Variants in DLGAP1 observed in about 807,000 individuals in gnomAD.
DLGAP1 encodes the protein DLG associated protein 1, also known as disks large-associated protein 1.
In DLGAP1, 11 loss-of-function variants were observed where a neutral mutation model predicts 90.8. The observed-to-expected ratio is 0.12, with a 90% CI of 0.08 to 0.20. The LOEUF is 0.20. Among genes scored for constraint, DLGAP1 ranks in the 10% least tolerant of loss-of-function variants. The probability of loss-of-function intolerance (pLI) is 1.00; values close to 1 mark genes in which losing one functional copy is unlikely to be tolerated. For synonymous variants in DLGAP1, 558 were observed against 540.7 expected, an observed-to-expected ratio of 1.03 and a Z score of -0.44; for missense variants, 1,050 against 1,333.8, an observed-to-expected ratio of 0.79 and a Z score of 3.31.
intron 1 of DLGAP1, among the ~76,000 whole-genome samples, chr18:4,355,529 G>A (rs1042345517): frequency 6.6e-6 from 1 of 152,082 alleles, no homozygotes; most frequent in Admixed American, 6.6e-5. Context: ...TTATGCTGGT[G>A]GTTACACAGA....
intron 9 of DLGAP1, 78 bp from the exon 10 acceptor site, chr18:3,534,693 T>TA: frequency 3.6e-5 from 43 of 1,191,200 alleles, no homozygotes; most frequent in Middle Eastern, 2.2e-4. Flanking sequence ...TTCCTTTCTT[T>TA]CTTTTTTTTT....
chr18:4,011,869 A>T (rs1285976270), intron 2 of DLGAP1, among the ~76,000 whole-genome samples: 1 of 151,598 alleles, frequency 6.6e-6, no homozygotes, highest in Non-Finnish European at 1.5e-5. Flanking sequence ...AAACCAAATT[A>T]AAAAAAAATC....
chr18:4,453,411 G>T (rs1386768382), intron 1 of DLGAP1, among the ~76,000 whole-genome samples: 2 of 151,954 alleles, frequency 1.3e-5, no homozygotes, highest in Non-Finnish European at 2.9e-5. Context: ...AAAATTTCTT[G>T]CCTCCATGTC....
At chr18:3,650,328 G>A (rs905120420) in intron 7 of DLGAP1, among the ~76,000 whole-genome samples, 8 of 152,152 alleles carry the variant, frequency 5.3e-5, no homozygotes, top group African/African-American at 1.9e-4. Context: ...ACAGTTGTGA[G>A]TCACCGTGCC....
intron 4 of DLGAP1, among the ~76,000 whole-genome samples, chr18:3,827,079 TTGGG>T (rs1034521022): frequency 4.6e-5 from 7 of 152,102 alleles, no homozygotes; most frequent in African/African-American, 9.7e-5. Context: ...GGAGTTCAGT[TTGGG>T]ATGTAGGAAG....
intron 7 of DLGAP1, among the ~76,000 whole-genome samples, chr18:3,626,595 A>T (rs28635482): frequency 5.9e-3 from 279 of 47,084 alleles, no homozygotes; most frequent in African/African-American, 0.017. Flanking sequence ...AGAACCTGTT[A>T]AAAAAAAAAA....
chr18:4,045,446 A>AAAAAAAAAAAAAAAC, intron 2 of DLGAP1, among the ~76,000 whole-genome samples: 1 of 128,374 alleles, frequency 7.8e-6, no homozygotes, highest in Non-Finnish European at 1.6e-5. Flanking sequence ...AAAAAAAAAA[A>AAAAAAAAAAAAAAAC]AAAAAAAAAA....
In DLGAP1 at chr18:3,669,702, A is replaced by G. The variant is rs544074516; in HGVS notation, c.1591+59433T>C. ...GGCCATCTTCCTTCTGGCTTCCTCA[A>G]TGGCTGAGAACTACTTCTACTCAGT... is the stretch of plus-strand genomic sequence containing the variant. On this transcript the variant is annotated intron_variant, in intron 7 of 12. Transcript: ENST00000315677. Among the ~76,000 whole-genome samples the G allele has an allele frequency of 1.1e-4, 17 of 152,318 alleles. No homozygotes were observed. In the East Asian group the frequency reaches 1.9e-3, roughly 17 times the overall value.
chr18:4,316,794 T>TTA (rs2080539464), intron 1 of DLGAP1, among the ~76,000 whole-genome samples: 1 of 152,192 alleles, frequency 6.6e-6, no homozygotes, highest in African/African-American at 2.4e-5. Flanking sequence ...TCTTCCTGAG[T>TTA]CCGGTTACTG....
intron 2 of DLGAP1, among the ~76,000 whole-genome samples, chr18:4,088,245 C>T (rs1449796063): frequency 6.6e-6 from 1 of 152,048 alleles, no homozygotes; most frequent in African/African-American, 2.4e-5. Context: ...AGGAGTCTCA[C>T]ACCAATATAC....
At chr18:4,218,548 T>C (rs1199410641) in intron 1 of DLGAP1, among the ~76,000 whole-genome samples, 1 of 151,996 alleles carries the variant, frequency 6.6e-6, no homozygotes, top group East Asian at 1.9e-4. Context: ...TTCTGTGCAA[T>C]AGATCACTAA....
At chr18:4,269,534 T>C (rs981666254) in intron 1 of DLGAP1, among the ~76,000 whole-genome samples, 1 of 151,736 alleles carries the variant, frequency 6.6e-6, no homozygotes, top group Non-Finnish European at 1.5e-5. Context: ...TTGTGTATTT[T>C]TAGTAGAGAC....
At chr18:3,655,810 C>T (rs368046722) in intron 7 of DLGAP1, 16 of 399,654 alleles carry the variant, frequency 4.0e-5, no homozygotes, top group South Asian at 3.7e-4. Flanking sequence ...AGCCCAGGCT[C>T]GCTGACGAGC....
rs58180172 is a variant in DLGAP1, at chr18:4,114,056, CTTTT to C, written c.-159+37120_-159+37123del. Reference sequence around the variant, plus strand: ...AAGTTGAGTAATGTGATGCCTCTGGCTTTTTTTTTTTTTTTTTTTTGGTTTGCTT... The same window carrying C: ...AAGTTGAGTAATGTGATGCCTCTGGCTTTTTTTTTTTTTTTTGGTTTGCTT... On this transcript the variant is annotated intron_variant, in intron 2 of 12. Transcript: ENST00000315677. Among the ~76,000 whole-genome samples, 552 of 106,848 alleles carry C rather than the reference CTTTT, an allele frequency of 5.2e-3. 3 individuals are homozygous for C. Among genetic ancestry groups the C allele is most frequent in the East Asian group, 0.019 (62 of 3,348 alleles). 70.1% of individuals were successfully genotyped at this position (106,848 alleles called of 152,430 possible). A position where few individuals can be genotyped will look rare whatever the true frequency, so the allele number is the denominator to read the frequency against.
intron 5 of DLGAP1, among the ~76,000 whole-genome samples, chr18:3,772,402 T>TCTCTCTC: frequency 2.7e-5 from 1 of 36,670 alleles, no homozygotes; most frequent in African/African-American, 6.4e-5. Context: ...CTTTCTTTCT[T>TCTCTCTC]TCTTTCTCTT....
intron 2 of DLGAP1, among the ~76,000 whole-genome samples, chr18:4,137,952 T>C (rs1330168545): frequency 6.6e-6 from 1 of 152,166 alleles, no homozygotes; most frequent in African/African-American, 2.4e-5. Flanking sequence ...GGATTTTTTA[T>C]GTTGATTTTG....
At chr18:4,329,079 C>T (rs2080889997) in intron 1 of DLGAP1, among the ~76,000 whole-genome samples, 2 of 151,832 alleles carry the variant, frequency 1.3e-5, no homozygotes, top group South Asian at 4.1e-4. Context: ...ATGACTTGTG[C>T]TTTTTGCCTC....
chr18:3,668,362 G>T (rs766638264), intron 7 of DLGAP1, among the ~76,000 whole-genome samples: 1 of 152,116 alleles, frequency 6.6e-6, no homozygotes, highest in Non-Finnish European at 1.5e-5. Flanking sequence ...ATCCAGGCTG[G>T]AGTGCAGTGG....
At chr18:3,911,484 C>T (rs984240388) in intron 3 of DLGAP1, among the ~76,000 whole-genome samples, 3 of 152,182 alleles carry the variant, frequency 2.0e-5, no homozygotes, top group Admixed American at 6.5e-5. Flanking sequence ...ATTCCCTAGA[C>T]TCTGTCAGTA....
Sources: allele counts gnomAD v4.1 joint callset (sites outside exome capture counted in the v4.1 genomes callset), GRCh38; gene constraint gnomAD v4.1.1; transcripts MANE v1.5; gene names NCBI Gene and HGNC (gene_info 2026-07-23, HGNC 2026-07-21).